Variants in PRKAR2B observed in about 807,000 individuals in gnomAD.
PRKAR2B encodes the protein cAMP-dependent protein kinase type II-beta regulatory subunit.
Under a neutral mutation model 49.9 loss-of-function variants are expected in PRKAR2B, and 14 were observed. The observed-to-expected ratio is 0.28, with a 90% CI of 0.19 to 0.44. PRKAR2B has a LOEUF of 0.44. PRKAR2B is among the 20% of genes least tolerant of loss of function. The probability of loss-of-function intolerance (pLI) is 1.00; values close to 1 mark genes in which losing one functional copy is unlikely to be tolerated. For missense variants in PRKAR2B, 393 were observed against 537.9 expected (o/e 0.73, Z 2.67); for synonymous variants, 196 against 197.7 (o/e 0.99, Z 0.07).
At chr7:107,103,002 C>T (rs1795003044) in intron 2 of PRKAR2B, among the ~76,000 whole-genome samples, 1 of 152,152 alleles carries the variant, frequency 6.6e-6, no homozygotes, top group Admixed American at 6.5e-5. Context: ...TATATTACTG[C>T]ATAGCTCCCT....
At chr7:107,079,820 T>G (rs1276761214) in intron 2 of PRKAR2B, among the ~76,000 whole-genome samples, 4 of 152,170 alleles carry the variant, frequency 2.6e-5, no homozygotes, top group African/African-American at 9.7e-5. Flanking sequence ...ACAAGGACAC[T>G]CTGGATGAGG....
intron 1 of PRKAR2B, chr7:107,070,036 T>C (rs1187196758): frequency 1.5e-5 from 5 of 334,124 alleles, no homozygotes; most frequent in Non-Finnish European, 2.7e-5. Context: ...TAGCTGTCTG[T>C]AACTAGGGAT....
intron 2 of PRKAR2B, chr7:107,082,155 C>T (rs1794526692): frequency 6.6e-6 from 1 of 152,184 alleles, no homozygotes; most frequent in East Asian, 1.9e-4. Flanking sequence ...TAAATTGCTA[C>T]TTTCAAGTTA....
At chr7:107,092,410 G>A (rs914843443) in intron 2 of PRKAR2B, among the ~76,000 whole-genome samples, 1 of 151,980 alleles carries the variant, frequency 6.6e-6, no homozygotes, top group African/African-American at 2.4e-5. Flanking sequence ...CATTATCCAG[G>A]AAGCAGCTGA....
rs542188431 is a variant in PRKAR2B at position 107,096,674 on chromosome 7, T to C, written c.344-25278T>C. On this transcript the variant is annotated intron_variant, in intron 2 of 10. Coordinates refer to ENST00000265717, the MANE Select transcript of PRKAR2B (RefSeq NM_002736.3). ...GTGCTATAAATTTCCCTCTACACACTGCTTTAAATGTGTCCCAGAGATTCT... is the reference window on the plus strand; with the variant it reads ...GTGCTATAAATTTCCCTCTACACACCGCTTTAAATGTGTCCCAGAGATTCT... Among the ~76,000 whole-genome samples, 24 of 152,348 alleles carry C rather than the reference T, an allele frequency of 1.6e-4. No homozygotes were observed. The South Asian group carries it at 4.8e-3, about 30-fold the overall frequency.
intron 2 of PRKAR2B, 26 bp from the exon 3 acceptor site, chr7:107,121,926 T>C: frequency 6.8e-7 from 1 of 1,481,060 alleles, no homozygotes; most frequent in Non-Finnish European, 9.3e-7. Flanking sequence ...AAACAATCTT[T>C]AAGATGTTCA....
intron 1 of PRKAR2B, among the ~76,000 whole-genome samples, chr7:107,057,920 A>C (rs1376091039): frequency 6.6e-6 from 1 of 152,234 alleles, no homozygotes; most frequent in East Asian, 1.9e-4. Context: ...TTAAAAAGTT[A>C]TTAATGAAAA....
chr7:107,100,255 A>C (rs1167379071), intron 2 of PRKAR2B, among the ~76,000 whole-genome samples: 1 of 152,168 alleles, frequency 6.6e-6, no homozygotes, highest in Non-Finnish European at 1.5e-5. Flanking sequence ...CCTCATTAAA[A>C]GATAGTTTGG....
At chr7:107,084,705 C>T (rs1437858369) in intron 2 of PRKAR2B, among the ~76,000 whole-genome samples, 2 of 151,402 alleles carry the variant, frequency 1.3e-5, no homozygotes, top group Non-Finnish European at 2.9e-5. Flanking sequence ...ACTGCAAGCT[C>T]CGCCTCCCGG....
intron 8 of PRKAR2B, among the ~76,000 whole-genome samples, chr7:107,154,385 T>C (rs1796042399): frequency 6.6e-6 from 1 of 152,182 alleles, no homozygotes; most frequent in Admixed American, 6.5e-5. Context: ...TTCACCAGTT[T>C]TACATACACT....
At chr7:107,113,118 C>T (rs1795205521) in intron 2 of PRKAR2B, among the ~76,000 whole-genome samples, 1 of 151,956 alleles carries the variant, frequency 6.6e-6, no homozygotes, top group Non-Finnish European at 1.5e-5. Context: ...TACGTGTATG[C>T]TAGGCAGCAT....
chr7:107,051,778 A>G (rs1793809422), intron 1 of PRKAR2B, among the ~76,000 whole-genome samples: 1 of 152,206 alleles, frequency 6.6e-6, no homozygotes, highest in Admixed American at 6.5e-5. Context: ...GCTGCTGTTT[A>G]AAAATGTTTC....
At chr7:107,051,583 A>C (rs1241006469) in intron 1 of PRKAR2B, among the ~76,000 whole-genome samples, 2 of 152,244 alleles carry the variant, frequency 1.3e-5, no homozygotes, top group Non-Finnish European at 2.9e-5. Flanking sequence ...CGGTTTCATT[A>C]TGTAATTTTA....
chr7:107,106,847 T>A (rs1584432164), intron 2 of PRKAR2B, among the ~76,000 whole-genome samples: 1 of 151,896 alleles, frequency 6.6e-6, no homozygotes, highest in Non-Finnish European at 1.5e-5. Flanking sequence ...GTGGAGTGGC[T>A]AGAAGGAGAT....
rs2116739588 is a variant in PRKAR2B, at chr7:107,045,060, C to T, written c.153C>T (p.Phe51=). The change falls in exon 1 of 11, where the codon TTC becomes TTT. Residue 51 remains phenylalanine, a synonymous_variant. Transcript: ENST00000265717. ...ACGAGCGCAAAGGCACCGCGCGCTT[C>T]GGCCATGAGGGCAGGACCTGGGGGG... ...QENERKGTAR[F]GHEGRTWGDL... is the part of the protein sequence containing the mutation. The T allele has an allele frequency of 6.5e-7, 1 of 1,543,882 alleles. No individual in the cohort carries two copies. Among genetic ancestry groups the T allele is most frequent in the East Asian group, 2.4e-5 (1 of 41,302 alleles).
chr7:107,062,707 T>TA (rs1198814508), intron 1 of PRKAR2B, among the ~76,000 whole-genome samples: 4 of 152,206 alleles, frequency 2.6e-5, no homozygotes, highest in South Asian at 2.1e-4. Context: ...CATCTTTTTT[T>TA]AAAAAAAATT....
At chr7:107,047,721 A>C (rs1793725844) in intron 1 of PRKAR2B, among the ~76,000 whole-genome samples, 1 of 152,216 alleles carries the variant, frequency 6.6e-6, no homozygotes, top group African/African-American at 2.4e-5. Flanking sequence ...ACTATGACAC[A>C]GCACAAGACC....
At position 107,065,322 on chromosome 7, in the gene PRKAR2B, ATGTGTGTGTGTGTGTGTGTG is replaced by A. The variant is rs71134248; in HGVS notation, c.308-4923_308-4904del. On this transcript the variant is annotated intron_variant, in intron 1 of 10. Transcript: ENST00000265717. Reference sequence around the variant, plus strand: ...ATTTTTGTTTGCTCGGGGTGTGTGTATGTGTGTGTGTGTGTGTGTGTGTGTGTGTGTGTGTGTGTGTGTGT... The same window carrying A: ...ATTTTTGTTTGCTCGGGGTGTGTGTATGTGTGTGTGTGTGTGTGTGTGTGT... 6.6e-3 allele frequency among the ~76,000 whole-genome samples: 956 copies of A among 143,898 alleles called. 13 individuals are homozygous for A. Among genetic ancestry groups the A allele is most frequent in the African/African-American group, 0.019 (770 of 39,506 alleles). 94.4% of individuals were successfully genotyped at this position (143,898 alleles called of 152,430 possible).
chr7:107,147,991 A>C (rs1795922433), intron 6 of PRKAR2B, among the ~76,000 whole-genome samples: 1 of 152,226 alleles, frequency 6.6e-6, no homozygotes, highest in South Asian at 2.1e-4. Flanking sequence ...CATTTCTTTT[A>C]ATTGGAACCA....
Sources: gnomAD v4.1 joint callset for allele counts (sites outside exome capture counted in the v4.1 genomes callset) on GRCh38, gnomAD v4.1.1 for gene constraint, MANE v1.5 for transcripts, NCBI Gene and HGNC (gene_info 2026-07-23, HGNC 2026-07-21) for gene names.